Variants in LYZL4 observed in about 807,000 individuals in gnomAD.
LYZL4 encodes the protein lysozyme like 4, also known as lysozyme-like protein 4.
Under a neutral mutation model 17.6 loss-of-function variants are expected in LYZL4, and 13 were observed. The observed-to-expected ratio is 0.74, with a 90% CI of 0.48 to 1.18. The LOEUF (loss-of-function observed/expected upper bound fraction) is 1.18. Among genes scored for constraint, LYZL4 ranks in the 50% most tolerant of loss-of-function variants. LYZL4 has a pLI of 0.00. For missense variants in LYZL4, 174 were observed against 188.2 expected, an observed-to-expected ratio of 0.92 and a Z score of 0.44; for synonymous variants, 64 against 67.7, an observed-to-expected ratio of 0.95 and a Z score of 0.27.
the LYZL4 span, among the ~76,000 whole-genome samples, chr3:42,364,341 C>CTTTTTTTTTTTTTTTT: frequency 8.3e-6 from 1 of 119,892 alleles, no homozygotes; most frequent in African/African-American, 3.3e-5. Context: ...TTTTTCTTTT[C>CTTTTTTTTTTTTTTTT]TTTTTTTTTT....
intron 3 of LYZL4, among the ~76,000 whole-genome samples, chr3:42,405,299 C>T (rs1263918320): frequency 6.6e-6 from 1 of 152,188 alleles, no homozygotes; most frequent in Non-Finnish European, 1.5e-5. Context: ...CCGCCCATCT[C>T]GGCCTCCCAA....
the LYZL4 span, among the ~76,000 whole-genome samples, chr3:42,377,625 C>CTCTGTG: frequency 7.3e-3 from 1,045 of 143,750 alleles, 7 homozygotes; most frequent in Middle Eastern, 0.021. Flanking sequence ...GCATGACTCT[C>CTCTGTG]TGTGTGTGTG....
chr3:42,401,247 G>A (rs182812757), intron 4 of LYZL4, among the ~76,000 whole-genome samples: 15 of 152,198 alleles, frequency 9.9e-5, no homozygotes, highest in African/African-American at 3.1e-4. Flanking sequence ...GTCTCGCTCT[G>A]TTGCCCAGGC....
At chr3:42,388,649 T>C in the LYZL4 span, among the ~76,000 whole-genome samples, 1 of 152,234 alleles carries the variant, frequency 6.6e-6, no homozygotes, top group East Asian at 1.9e-4. Context: ...AGTAAAATTT[T>C]TGAACATTTG....
intron 4 of LYZL4, among the ~76,000 whole-genome samples, chr3:42,399,342 A>G (rs1397183226): frequency 1.3e-5 from 2 of 152,238 alleles, no homozygotes; most frequent in East Asian, 3.8e-4. Flanking sequence ...TAAGGATACA[A>G]TTGAAAGAAC....
In LYZL4 at chr3:42,397,236, G is replaced by A. The variant is rs1486757242; in HGVS notation, c.*29C>T. ...GCACCTTCATTCACAAGATGCAACT[G>A]GTGAGTGCTGCAGGGGCCATGCAGG... is the stretch of plus-strand genomic sequence containing the variant. On this transcript the variant is annotated 3_prime_UTR_variant, in exon 5 of 5. Coordinates refer to ENST00000287748, the MANE Select transcript of LYZL4 (RefSeq NM_144634.4). 1.3e-6 allele frequency: 2 copies of A among 1,488,048 alleles called. No individual in the cohort carries two copies. The highest frequency in any genetic ancestry group is 2.4e-5 in the South Asian group (2 of 82,172). 92.2% of individuals were successfully genotyped at this position (1,488,048 alleles called of 1,614,324 possible). A position where few individuals can be genotyped will look rare whatever the true frequency, so the allele number is the denominator to read the frequency against.
At chr3:42,385,732 C>G in the LYZL4 span, among the ~76,000 whole-genome samples, 2 of 152,182 alleles carry the variant, frequency 1.3e-5, no homozygotes, top group Non-Finnish European at 2.9e-5. Flanking sequence ...TGCTCTAAGC[C>G]TCAGCTTCCC....
chr3:42,370,485 G>A, the LYZL4 span, among the ~76,000 whole-genome samples: 9 of 152,246 alleles, frequency 5.9e-5, no homozygotes, highest in East Asian at 5.8e-4. Flanking sequence ...AAAGAGATAC[G>A]TATTACAGAC....
chr3:42,369,080 G>T, the LYZL4 span, among the ~76,000 whole-genome samples: 1 of 152,228 alleles, frequency 6.6e-6, no homozygotes, highest in Non-Finnish European at 1.5e-5. Context: ...GTTCTCTGCA[G>T]ATTTAATTGT....
At chr3:42,395,160 G>C (rs913941349), downstream of LYZL4, among the ~76,000 whole-genome samples, 1 of 152,160 alleles carries the variant, frequency 6.6e-6, no homozygotes, top group South Asian at 2.1e-4. Flanking sequence ...TTGAGTAAAA[G>C]TTCTGTCTCT....
At chr3:42,390,572 G>A in the LYZL4 span, among the ~76,000 whole-genome samples, 3 of 150,080 alleles carry the variant, frequency 2.0e-5, no homozygotes, top group Admixed American at 6.6e-5. Flanking sequence ...ATGGAGTCTC[G>A]CTCTGTCACC....
At chr3:42,377,745 C>T in the LYZL4 span, among the ~76,000 whole-genome samples, 11 of 151,866 alleles carry the variant, frequency 7.2e-5, no homozygotes, top group East Asian at 3.9e-4. Flanking sequence ...ATATTTTTCA[C>T]CCCAAGTCAT....
chr3:42,377,772 A>G, the LYZL4 span, among the ~76,000 whole-genome samples: 722 of 152,240 alleles, frequency 4.7e-3, 5 homozygotes, highest in African/African-American at 0.016. Context: ...CAACAGATAC[A>G]TGGTAAGGTC....
chr3:42,384,742 A>G, the LYZL4 span, among the ~76,000 whole-genome samples: 4 of 152,198 alleles, frequency 2.6e-5, no homozygotes, highest in Non-Finnish European at 5.9e-5. Context: ...CCAAACATTG[A>G]TGGAACCCAA....
At chr3:42,393,337 G>GCACACACA (rs3071913), downstream of LYZL4, among the ~76,000 whole-genome samples, 436 of 148,908 alleles carry the variant, frequency 2.9e-3, 3 homozygotes, top group South Asian at 8.1e-3. Flanking sequence ...GTGTGCGCGT[G>GCACACACA]CACACACACA....
the LYZL4 span, among the ~76,000 whole-genome samples, chr3:42,375,433 G>A: frequency 2.1e-3 from 322 of 152,330 alleles, no homozygotes; most frequent in African/African-American, 7.2e-3. Flanking sequence ...TACACTGGGA[G>A]CCATCCTGCC....
chr3:42,397,143 T>C lies in LYZL4; in HGVS notation c.*122A>G. On this transcript the variant is annotated 3_prime_UTR_variant, in exon 5 of 5. Coordinates refer to ENST00000287748, the MANE Select transcript of LYZL4 (RefSeq NM_144634.4). Reference sequence around the variant, plus strand: ...TCCCCGGATGAAGCAAACTTTTGTCTTTTTCCATCTGGAACTCTTAAAGTG... The same window carrying C: ...TCCCCGGATGAAGCAAACTTTTGTCCTTTTCCATCTGGAACTCTTAAAGTG... The C allele has an allele frequency of 4.2e-6, 3 of 719,456 alleles. No homozygotes were observed. The highest frequency in any genetic ancestry group is 2.8e-5 in the East Asian group (1 of 35,992). The allele number at this position is 719,456 out of a possible 1,614,324, so 44.6% of individuals were successfully genotyped here.
the LYZL4 span, among the ~76,000 whole-genome samples, chr3:42,383,856 T>C: frequency 6.6e-6 from 1 of 151,634 alleles, no homozygotes; most frequent in Non-Finnish European, 1.5e-5. Context: ...AAATAGAAAA[T>C]GGAGAAACTA....
chr3:42,371,640 A>G, the LYZL4 span, among the ~76,000 whole-genome samples: 2 of 152,126 alleles, frequency 1.3e-5, no homozygotes, highest in African/African-American at 4.8e-5. Flanking sequence ...CAAATGAAGC[A>G]CCCAACACTT....
Sources: allele counts gnomAD v4.1 joint callset (sites outside exome capture counted in the v4.1 genomes callset), GRCh38; gene constraint gnomAD v4.1.1; transcripts MANE v1.5; gene names NCBI Gene and HGNC (gene_info 2026-07-23, HGNC 2026-07-21).